Variants in PARD3 observed in about 807,000 individuals in gnomAD.
PARD3 encodes partitioning defective 3 homolog.
PARD3 carries 75 observed loss-of-function variants against 155.4 expected under a neutral mutation model. The observed-to-expected ratio is 0.48, with a 90% confidence interval of 0.40 to 0.58. The LOEUF (loss-of-function observed/expected upper bound fraction) is 0.58. PARD3 is among the 20% of genes least tolerant of loss of function. The pLI is 0.00. For missense variants in PARD3, 1,642 were observed against 1,721.7 expected, an observed-to-expected ratio of 0.95 and a Z score of 0.82; for synonymous variants, 576 against 610.5, an observed-to-expected ratio of 0.94 and a Z score of 0.83.
chr10:34,662,511 C>T (rs952614575), intron 2 of PARD3, among the ~76,000 whole-genome samples: 2 of 152,146 alleles, frequency 1.3e-5, no homozygotes, highest in African/African-American at 4.8e-5. Context: ...ACTAAGTTTC[C>T]ATCAACAGAT....
At chr10:34,319,807 G>C (rs1191205990) in intron 19 of PARD3, among the ~76,000 whole-genome samples, 1 of 152,116 alleles carries the variant, frequency 6.6e-6, no homozygotes, top group Non-Finnish European at 1.5e-5. Flanking sequence ...CAGTACTTCA[G>C]GTTTTTGAGA....
intron 21 of PARD3, among the ~76,000 whole-genome samples, chr10:34,278,638 T>C (rs1397690242): frequency 3.3e-5 from 5 of 152,028 alleles, no homozygotes; most frequent in Non-Finnish European, 5.9e-5. Context: ...ATTCTTCTCT[T>C]TTCTCCCGCC....
intron 1 of PARD3, among the ~76,000 whole-genome samples, chr10:34,708,346 A>C (rs557211568): frequency 5.3e-5 from 8 of 152,354 alleles, no homozygotes; most frequent in Non-Finnish European, 8.8e-5. Flanking sequence ...TCTGGAAAGA[A>C]AAAGTACTAT....
At chr10:34,121,228 G>A (rs1946983546) in intron 23 of PARD3, among the ~76,000 whole-genome samples, 1 of 152,114 alleles carries the variant, frequency 6.6e-6, no homozygotes, top group South Asian at 2.1e-4. Flanking sequence ...ACTGACAATG[G>A]TTACCTTACC....
chr10:34,172,904 A>G (rs1457333286), intron 22 of PARD3, among the ~76,000 whole-genome samples: 1 of 152,206 alleles, frequency 6.6e-6, no homozygotes, highest in African/African-American at 2.4e-5. Flanking sequence ...TTACATATGA[A>G]CAATGAGAAA....
intron 20 of PARD3, 88 bp downstream of exon 20, chr10:34,317,019 A>G (rs886071410): frequency 1.4e-5 from 18 of 1,248,318 alleles, no homozygotes; most frequent in Non-Finnish European, 2.0e-5. Context: ...ACAGGTGTGC[A>G]CTACCGTGTC....
Position 34,111,407 on chromosome 10 carries a change from C to CTGGCGTTGAA in PARD3, c.3814_3823dup (p.Arg1275IlefsTer37). On this transcript the variant is annotated frameshift_variant, in exon 25 of 25. Coordinates refer to ENST00000374788, the MANE Select transcript of PARD3 (RefSeq NM_001184785.2). LOFTEE classifies it high-confidence loss of function. Reference sequence around the variant, plus strand: ...GAGCTCCTGAGTTTCCAGCATGACCCTGGCGTTGAAGCCATGTCCTCCCAG... The same window carrying CTGGCGTTGAA: ...GAGCTCCTGAGTTTCCAGCATGACCCTGGCGTTGAATGGCGTTGAAGCCATGTCCTCCCAG... 1 of 1,614,194 alleles carries CTGGCGTTGAA rather than the reference C, an allele frequency of 6.2e-7. No individual in the cohort carries two copies. Among genetic ancestry groups the CTGGCGTTGAA allele is most frequent in the Non-Finnish European group, 8.5e-7 (1 of 1,180,034 alleles).
At chr10:34,663,751 T>C (rs76574236) in intron 2 of PARD3, 2 of 151,838 alleles carry the variant, frequency 1.3e-5, no homozygotes, top group African/African-American at 4.8e-5. Flanking sequence ...CTTCTATTCA[T>C]CCACAAAACT....
At chr10:34,169,805 G>A (rs1053533709) in intron 22 of PARD3, among the ~76,000 whole-genome samples, 3 of 152,170 alleles carry the variant, frequency 2.0e-5, no homozygotes, top group Admixed American at 6.5e-5. Flanking sequence ...TTGAATGAAG[G>A]TTCCCTGGAT....
intron 14 of PARD3, among the ~76,000 whole-genome samples, chr10:34,349,498 A>G (rs1002528777): frequency 4.0e-5 from 6 of 150,332 alleles, no homozygotes; most frequent in African/African-American, 1.5e-4. Flanking sequence ...TAAATTAAAT[A>G]TTCAAGGTCT....
chr10:34,555,630 T>C (rs2084919012), intron 2 of PARD3, among the ~76,000 whole-genome samples: 2 of 152,252 alleles, frequency 1.3e-5, no homozygotes, highest in South Asian at 4.1e-4. Context: ...CATTATTTAA[T>C]TGACCTTATT....
At chr10:34,279,943 T>G (rs929082041) in intron 21 of PARD3, among the ~76,000 whole-genome samples, 1 of 152,212 alleles carries the variant, frequency 6.6e-6, no homozygotes, top group African/African-American at 2.4e-5. Flanking sequence ...ATATTTCCAC[T>G]AGAAGCATTC....
intron 2 of PARD3, among the ~76,000 whole-genome samples, chr10:34,666,796 A>AAAAAAAT (rs1358640964): frequency 2.8e-3 from 184 of 66,860 alleles, no homozygotes; most frequent in African/African-American, 6.9e-3. Context: ...AAAAAAAAAA[A>AAAAAAAT]ATATATATAT....
At chr10:34,690,798 A>G (rs926920609) in intron 2 of PARD3, among the ~76,000 whole-genome samples, 3 of 152,258 alleles carry the variant, frequency 2.0e-5, no homozygotes, top group African/African-American at 7.2e-5. Flanking sequence ...AGGCGTGCTC[A>G]TCTCAGCTGC....
intron 19 of PARD3, 97 bp from the exon 20 acceptor site, chr10:34,317,435 T>C (rs2134131498): frequency 4.7e-6 from 6 of 1,288,512 alleles, no homozygotes; most frequent in Non-Finnish European, 5.2e-6. Flanking sequence ...TCCCACACTT[T>C]TACTGCAGTA....
chr10:34,735,535 T>G (rs1258718504), intron 1 of PARD3, among the ~76,000 whole-genome samples: 2 of 152,210 alleles, frequency 1.3e-5, no homozygotes, highest in Non-Finnish European at 2.9e-5. Flanking sequence ...ACAGATCTGC[T>G]GCCAGTCCCA....
At chr10:34,702,605 C>T (rs534043768) in intron 1 of PARD3, among the ~76,000 whole-genome samples, 68 of 152,144 alleles carry the variant, frequency 4.5e-4, no homozygotes, top group Non-Finnish European at 7.2e-4. Flanking sequence ...TGAATATTTA[C>T]GTACTGATTA....
intron 2 of PARD3, among the ~76,000 whole-genome samples, chr10:34,678,055 AATTTATTT>A (rs751888876): frequency 6.6e-6 from 1 of 151,802 alleles, no homozygotes; most frequent in Non-Finnish European, 1.5e-5. Context: ...ATGTTTTTTT[AATTTATTT>A]ATTTATTTAT....
intron 22 of PARD3, among the ~76,000 whole-genome samples, chr10:34,164,304 A>C (rs1949421243): frequency 6.6e-6 from 1 of 152,234 alleles, no homozygotes; most frequent in South Asian, 2.1e-4. Context: ...AATACACTGA[A>C]GCATGTGCAC....
Sources: allele counts gnomAD v4.1 joint callset (sites outside exome capture counted in the v4.1 genomes callset), GRCh38; gene constraint gnomAD v4.1.1; transcripts MANE v1.5; gene names NCBI Gene and HGNC (gene_info 2026-07-23, HGNC 2026-07-21).